TEK: variants seen among roughly 807,000 people sequenced by gnomAD.
The protein encoded by TEK is TEK receptor tyrosine kinase.
TEK carries 43 observed loss-of-function variants against 131.8 expected under a neutral mutation model. That is an observed-to-expected ratio of 0.33 (90% CI 0.26 to 0.42). The LOEUF (loss-of-function observed/expected upper bound fraction) is 0.42. Among genes scored for constraint, TEK ranks in the 10% least tolerant of loss-of-function variants. TEK has a pLI of 1.00. For missense variants in TEK, 1,162 were observed against 1,384.4 expected (o/e 0.84, Z 2.55); for synonymous variants, 580 against 491.6 (o/e 1.18, Z -2.38).
At chr9:27,192,660 G>C (rs1191839229) in intron 11 of TEK, 37 bp downstream of exon 11, 2 of 1,606,668 alleles carry the variant, frequency 1.2e-6, no homozygotes, top group African/African-American at 2.7e-5. Context: ...TCATGAGCTG[G>C]GTGGGAGGGG....
chr9:27,151,909 C>T (rs913634877), intron 1 of TEK, among the ~76,000 whole-genome samples: 14 of 152,184 alleles, frequency 9.2e-5, no homozygotes, highest in South Asian at 4.1e-4. Context: ...CAAACAATTT[C>T]GCAAAATATC....
chr9:27,196,404 A>G lies in TEK; in HGVS notation c.1625-911A>G, dbSNP rs143445611. The stretch of plus-strand genomic sequence containing the variant: ...TAGGGAAAAAAGTATCATATGGGCC[A>G]CTTGCTTGTGTTTCTTTGATAGCTT... On this transcript the variant is annotated intron_variant, in intron 11 of 22. Coordinates refer to ENST00000380036, the MANE Select transcript of TEK (RefSeq NM_000459.5). Among the ~76,000 whole-genome samples, 17 of 152,292 alleles carry G rather than the reference A, an allele frequency of 1.1e-4. No individual in the cohort carries two copies. In the East Asian group the frequency reaches 3.1e-3, roughly 28 times the overall value.
In TEK at chr9:27,217,637, C is replaced by T. The variant is rs1825867118; in HGVS notation, c.2992-51C>T. The T allele has an allele frequency of 1.9e-6, 3 of 1,555,520 alleles. No homozygotes were observed. The Admixed American group carries it at 5.0e-5, about 26-fold the overall frequency. ...GCCACAGCTCAGGCAGGCTGAGAGCCTCTTAAAGACCCTGTCCCAGTTAAG... is the reference window on the plus strand; with the variant it reads ...GCCACAGCTCAGGCAGGCTGAGAGCTTCTTAAAGACCCTGTCCCAGTTAAG... On this transcript the variant is annotated intron_variant, in intron 18 of 22. Transcript: ENST00000380036.
At chr9:27,152,026 T>A (rs1823144566) in intron 1 of TEK, among the ~76,000 whole-genome samples, 1 of 152,218 alleles carries the variant, frequency 6.6e-6, no homozygotes, top group African/African-American at 2.4e-5. Flanking sequence ...GTTCCCTGAT[T>A]TCTGAAATGC....
At position 27,172,596 on chromosome 9, in the gene TEK, C is replaced by T. The variant is rs750793246; in HGVS notation, c.629-20C>T. 6.2e-7 allele frequency: 1 copy of T among 1,612,976 alleles called. No individual in the cohort carries two copies. The highest frequency in any genetic ancestry group is 1.1e-5 in the South Asian group (1 of 91,016). On this transcript the variant is annotated intron_variant, in intron 4 of 22. Transcript: ENST00000380036. ...GCGAATGCGCTCTACTCACCACAGC[C>T]TTGTTTTCCTTAACAAAAGGATGTG...
chr9:27,191,138 A>G (rs148411095), intron 10 of TEK, among the ~76,000 whole-genome samples: 5 of 151,966 alleles, frequency 3.3e-5, no homozygotes, highest in African/African-American at 9.7e-5. Flanking sequence ...TTCTCATTTC[A>G]TGTCTTGCCC....
At chr9:27,214,999 G>A (rs1217701723) in intron 18 of TEK, among the ~76,000 whole-genome samples, 2 of 152,078 alleles carry the variant, frequency 1.3e-5, no homozygotes, top group Admixed American at 1.3e-4. Flanking sequence ...CTCACCACCT[G>A]GTGTCCTCAA....
intron 1 of TEK, among the ~76,000 whole-genome samples, chr9:27,146,463 A>G (rs913859893): frequency 1.7e-4 from 26 of 152,086 alleles, no homozygotes; most frequent in Admixed American, 5.2e-4. Context: ...CTTGGCAGCC[A>G]CTCATCTGGT....
At chr9:27,160,642 C>T (rs545716975) in intron 2 of TEK, among the ~76,000 whole-genome samples, 1 of 152,102 alleles carries the variant, frequency 6.6e-6, no homozygotes, top group Non-Finnish European at 1.5e-5. Context: ...TTTGAATTTA[C>T]TAATGGTAGT....
In TEK at chr9:27,153,486, G is replaced by GA. The variant is rs138655176; in HGVS notation, c.53-4340dup. On this transcript the variant is annotated intron_variant, in intron 1 of 22. Transcript: ENST00000380036. ...AAGTATTTGAGAGATCTTTGTTAAGGAAAAATAGCATTAATCTCTAAAACT... is the reference window on the plus strand; with the variant it reads ...AAGTATTTGAGAGATCTTTGTTAAGGAAAAAATAGCATTAATCTCTAAAACT... Among the ~76,000 whole-genome samples, 818 of 152,260 alleles carry GA rather than the reference G, an allele frequency of 5.4e-3. 18 individuals carry two copies. In the East Asian group the frequency reaches 0.07, roughly 13 times the overall value.
chr9:27,227,205 G>A (rs903100773), intron 21 of TEK, among the ~76,000 whole-genome samples: 4 of 152,142 alleles, frequency 2.6e-5, no homozygotes, highest in Non-Finnish European at 5.9e-5. Context: ...TGGGCTCTTG[G>A]TCCCCACTGT....
At chr9:27,166,896 CT>C (rs1206168783) in intron 2 of TEK, among the ~76,000 whole-genome samples, 7 of 152,086 alleles carry the variant, frequency 4.6e-5, no homozygotes, top group Admixed American at 6.6e-5. Context: ...TTCTCTGGTC[CT>C]TTTTTTCTCA....
At chr9:27,125,662 A>G (rs1821959170) in intron 1 of TEK, among the ~76,000 whole-genome samples, 1 of 152,214 alleles carries the variant, frequency 6.6e-6, no homozygotes, top group Non-Finnish European at 1.5e-5. Context: ...GGATAACAAT[A>G]TTACCCTTTA....
rs374265341 is a variant in TEK at position 27,205,063 on chromosome 9, G to T, written c.2362G>T (p.Val788Leu). Residue 788 changes from valine (V) to leucine (L), a missense_variant and splice_region_variant, in exon 14 of 23, where the codon GTG (valine) becomes TTG (leucine). Val to Leu is a conservative substitution (Grantham distance 32). Transcript: ENST00000380036. ...QRRMAQAFQNVREEPAVQFNS... is the reference protein window; with the variant it reads ...QRRMAQAFQNLREEPAVQFNS... ...GAGAATGGCCCAAGCCTTCCAAAAC[G>T]TGGTAGTGTCTCATCTTCCTACTAG... 15 of 1,613,794 alleles carry T rather than the reference G, an allele frequency of 9.3e-6. No homozygotes were observed. Among genetic ancestry groups the T allele is most frequent in the Non-Finnish European group, 1.2e-5 (14 of 1,179,880 alleles).
chr9:27,187,847 CT>C (rs1824657366), intron 9 of TEK, among the ~76,000 whole-genome samples: 2 of 151,932 alleles, frequency 1.3e-5, no homozygotes, highest in Admixed American at 6.6e-5. Flanking sequence ...TAATTTAATC[CT>C]CTTACAAGGA....
chr9:27,191,175 G>C (rs763501661), intron 10 of TEK, among the ~76,000 whole-genome samples: 1 of 152,038 alleles, frequency 6.6e-6, no homozygotes, highest in Non-Finnish European at 1.5e-5. Flanking sequence ...AACACAGAGA[G>C]ATTTTTGAAG....
At chr9:27,195,703 G>C (rs1244054862) in intron 11 of TEK, 1 of 455,982 alleles carries the variant, frequency 2.2e-6, no homozygotes, top group East Asian at 6.9e-5. Flanking sequence ...AGAAGGAAGG[G>C]AGGGAGGAAA....
chr9:27,226,291 T>A (rs867389670), intron 21 of TEK, among the ~76,000 whole-genome samples: 2 of 152,236 alleles, frequency 1.3e-5, no homozygotes, highest in African/African-American at 4.8e-5. Context: ...CGTATGTTTA[T>A]TGCAGCACTG....
intron 11 of TEK, among the ~76,000 whole-genome samples, chr9:27,195,995 G>C (rs1425409259): frequency 6.6e-6 from 1 of 152,188 alleles, no homozygotes; most frequent in Non-Finnish European, 1.5e-5. Context: ...GATGTGATCA[G>C]AGCAGGAATA....
Sources: allele counts gnomAD v4.1 joint callset (sites outside exome capture counted in the v4.1 genomes callset), GRCh38; gene constraint gnomAD v4.1.1; transcripts MANE v1.5; gene names NCBI Gene and HGNC (gene_info 2026-07-23, HGNC 2026-07-21).